RANBP10: variants seen among roughly 807,000 people sequenced by gnomAD.
RANBP10 encodes ran-binding protein 10.
RANBP10 carries 24 observed loss-of-function variants against 72.8 expected under a neutral mutation model. That is an observed-to-expected ratio of 0.33 (90% CI 0.24 to 0.46). The LOEUF is 0.46. Ranked by LOEUF, RANBP10 falls within the 20% of genes least tolerant of loss-of-function variation. The pLI is 1.00. For synonymous variants in RANBP10, 310 were observed against 322.3 expected (o/e 0.96, Z 0.41); for missense variants, 679 against 817.5 (o/e 0.83, Z 2.07).
intron 6 of RANBP10, among the ~76,000 whole-genome samples, chr16:67,734,217 C>T (rs1487977890): frequency 6.6e-6 from 1 of 152,226 alleles, no homozygotes; most frequent in Non-Finnish European, 1.5e-5. Flanking sequence ...TCTGCCCATC[C>T]TTGAGAGCCA....
chr16:67,744,566 G>C (rs1281199096), intron 3 of RANBP10, 111 bp from the exon 4 acceptor site: 3 of 1,190,748 alleles, frequency 2.5e-6, no homozygotes, highest in Non-Finnish European at 3.5e-6. Context: ...CCCCACCTCT[G>C]TCAGCACTCT....
intron 4 of RANBP10, among the ~76,000 whole-genome samples, chr16:67,741,351 C>T (rs1370283202): frequency 6.6e-6 from 1 of 152,196 alleles, no homozygotes; most frequent in African/African-American, 2.4e-5. Flanking sequence ...CGCTACTCCA[C>T]CCACTACTGC....
chr16:67,755,962 T>C (rs1346552971), intron 3 of RANBP10, among the ~76,000 whole-genome samples: 1 of 152,202 alleles, frequency 6.6e-6, no homozygotes, highest in East Asian at 1.9e-4. Context: ...ATGCCAGTGA[T>C]GCAAGGAGAA....
At chr16:67,742,041 G>C (rs2053979497) in intron 4 of RANBP10, among the ~76,000 whole-genome samples, 1 of 151,634 alleles carries the variant, frequency 6.6e-6, no homozygotes, top group East Asian at 1.9e-4. Context: ...TGGAAAAAAT[G>C]GAAAAATATG....
intron 3 of RANBP10, among the ~76,000 whole-genome samples, chr16:67,755,536 T>C (rs2054270457): frequency 6.6e-6 from 1 of 151,874 alleles, no homozygotes; most frequent in South Asian, 2.1e-4. Context: ...ATACAAAAAT[T>C]AGCCGGGCAT....
chr16:67,756,215 C>A (rs918738959), intron 3 of RANBP10, among the ~76,000 whole-genome samples: 1 of 152,256 alleles, frequency 6.6e-6, no homozygotes, highest in Admixed American at 6.5e-5. Context: ...CAGCAGCCCA[C>A]CCATGCCACT....
At chr16:67,797,514 T>C (rs1235550573) in intron 2 of RANBP10, among the ~76,000 whole-genome samples, 2 of 151,934 alleles carry the variant, frequency 1.3e-5, no homozygotes, top group Non-Finnish European at 2.9e-5. Context: ...ACAAAAAATT[T>C]AAAAATTAGC....
At chr16:67,738,918 TACTTCTCTTG>T (rs2053912168) in intron 4 of RANBP10, 1 of 152,146 alleles carries the variant, frequency 6.6e-6, no homozygotes, top group African/African-American at 2.4e-5. Flanking sequence ...TCAGACCTGA[TACTTCTCTTG>T]ATTTAACACA....
chr16:67,731,237 C>G, intron 7 of RANBP10: 1 of 461,466 alleles, frequency 2.2e-6, no homozygotes, highest in African/African-American at 2.0e-5. Flanking sequence ...TGGCCTGCGC[C>G]CAGCCTTCAG....
intron 2 of RANBP10, among the ~76,000 whole-genome samples, chr16:67,777,154 G>A (rs1044748676): frequency 2.0e-5 from 3 of 151,826 alleles, no homozygotes; most frequent in African/African-American, 7.3e-5. Context: ...AAGTTGCAGT[G>A]AGCCAATACC....
At chr16:67,749,317 T>G (rs2054150277) in intron 3 of RANBP10, among the ~76,000 whole-genome samples, 1 of 152,150 alleles carries the variant, frequency 6.6e-6, no homozygotes, top group Non-Finnish European at 1.5e-5. Context: ...AGCCTCTATT[T>G]AAACAAAGAT....
chr16:67,729,184 C>A lies in RANBP10; in HGVS notation c.1352+96G>T. The A allele has an allele frequency of 2.6e-6, 4 of 1,543,274 alleles. No individual in the cohort carries two copies. Among genetic ancestry groups the A allele is most frequent in the Admixed American group, 1.9e-5 (1 of 51,524 alleles). On this transcript the variant is annotated intron_variant, in intron 10 of 13. Transcript: ENST00000317506. The surrounding 1 kb of genome is among the most constrained non-coding windows in gnomAD (Gnocchi z 7.1). The stretch of plus-strand genomic sequence containing the variant: ...TCCAGGCACAGACCTGAGATGGAGG[C>A]TGGGGGTGAAGGGCAGGGCGCTCAA...
chr16:67,738,165 G>T, intron 4 of RANBP10, 130 bp from the exon 5 acceptor site: 1 of 1,043,384 alleles, frequency 9.6e-7, no homozygotes, highest in Non-Finnish European at 1.3e-6. Context: ...TTGAGACAGA[G>T]TCTCCCTCCG....
At position 67,729,838 on chromosome 16, in the gene RANBP10, G is replaced by C. The variant is rs759032820; in HGVS notation, c.999-10C>G. 2 of 1,613,692 alleles carry C rather than the reference G, an allele frequency of 1.2e-6. No homozygotes were observed. Among genetic ancestry groups the C allele is most frequent in the South Asian group, 1.1e-5 (1 of 91,060 alleles). ...CACAAACTGCCGGCACCTGTGGAGGGAGCGGAGCAATAATGCTCTGGTTGT... is the reference window on the plus strand; with the variant it reads ...CACAAACTGCCGGCACCTGTGGAGGCAGCGGAGCAATAATGCTCTGGTTGT... On this transcript the variant is annotated splice_polypyrimidine_tract_variant and intron_variant, in intron 8 of 13. Coordinates refer to ENST00000317506, the MANE Select transcript of RANBP10 (RefSeq NM_020850.3). This position sits in a 1 kb window ranked among gnomAD's most constrained non-coding sequence, Gnocchi z 7.1.
At chr16:67,738,171 CT>C (rs1454403398) in intron 4 of RANBP10, 136 bp from the exon 5 acceptor site, 3 of 996,630 alleles carry the variant, frequency 3.0e-6, no homozygotes, top group Non-Finnish European at 4.3e-6. Context: ...CAGAGTCTCC[CT>C]CCGTAGCCCA....
chr16:67,783,526 G>A (rs1418974447), intron 2 of RANBP10, among the ~76,000 whole-genome samples: 1 of 152,158 alleles, frequency 6.6e-6, no homozygotes, highest in Non-Finnish European at 1.5e-5. Context: ...GCTGGTCTCA[G>A]ACACTCCAGC....
chr16:67,743,386 G>C (rs2054006847), intron 4 of RANBP10, among the ~76,000 whole-genome samples: 1 of 101,388 alleles, frequency 9.9e-6, no homozygotes, highest in East Asian at 2.8e-4. Flanking sequence ...TGCAAACCCA[G>C]GCAGGCAGAC....
chr16:67,774,994 T>C (rs1248247992), intron 2 of RANBP10, among the ~76,000 whole-genome samples: 1 of 152,168 alleles, frequency 6.6e-6, no homozygotes, highest in African/African-American at 2.4e-5. Flanking sequence ...AAAAGGAAAC[T>C]ACCTTAACAC....
Position 67,728,280 on chromosome 16 carries a change from G to A in RANBP10, c.1474+110C>T, listed in dbSNP as rs1300688239. 4 of 1,212,564 alleles carry A rather than the reference G, an allele frequency of 3.3e-6. No homozygotes were observed. In the East Asian group the frequency reaches 9.8e-5, roughly 30 times the overall value. 75.1% of individuals were successfully genotyped at this position (1,212,564 alleles called of 1,614,324 possible). A position where few individuals can be genotyped will look rare whatever the true frequency, so the allele number is the denominator to read the frequency against. ...AGGAGGCTGTGGACCAGGTCTGGCT[G>A]AAGCTTCTCAAGATGCCAAAGCCTG... On this transcript the variant is annotated intron_variant, in intron 11 of 13. Transcript: ENST00000317506.
Sources: allele counts gnomAD v4.1 joint callset (sites outside exome capture counted in the v4.1 genomes callset), GRCh38; gene constraint gnomAD v4.1.1; non-coding constraint Gnocchi (gnomAD v3.1); transcripts MANE v1.5; gene names NCBI Gene and HGNC (gene_info 2026-07-23, HGNC 2026-07-21).